Variants in NALF1 observed in about 807,000 individuals in gnomAD.
The protein encoded by NALF1 is family with sequence similarity 155 member A.
NALF1 carries 3 observed loss-of-function variants against 48.4 expected under a neutral mutation model. That is an observed-to-expected ratio of 0.06 (90% CI 0.03 to 0.16). The LOEUF (loss-of-function observed/expected upper bound fraction) is 0.16, where lower values mean the gene tolerates loss of function less well. Among genes scored for constraint, NALF1 ranks in the 10% least tolerant of loss-of-function variants. NALF1 has a pLI of 1.00. For missense variants in NALF1, 526 were observed against 571.5 expected, an observed-to-expected ratio of 0.92 and a Z score of 0.81; for synonymous variants, 262 against 245.7, an observed-to-expected ratio of 1.07 and a Z score of -0.62.
chr13:107,744,760 C>T (rs7991378), intron 1 of NALF1, among the ~76,000 whole-genome samples: 136,738 of 152,304 alleles, frequency 0.9, 61,762 homozygotes, highest in South Asian at 0.96. Flanking sequence ...AAAATTCTTA[C>T]TTTAAATTTA....
At chr13:107,246,075 T>C (rs943401806) in intron 1 of NALF1, among the ~76,000 whole-genome samples, 3 of 152,234 alleles carry the variant, frequency 2.0e-5, no homozygotes, top group Admixed American at 2.0e-4. Flanking sequence ...TATCTCATTC[T>C]GCACAATGAG....
intron 1 of NALF1, among the ~76,000 whole-genome samples, chr13:107,750,474 T>C (rs1409023587): frequency 6.6e-6 from 1 of 152,152 alleles, no homozygotes; most frequent in Non-Finnish European, 1.5e-5. Flanking sequence ...TGGATGTGTT[T>C]TGGAATGAAA....
intron 1 of NALF1, among the ~76,000 whole-genome samples, chr13:107,445,190 A>G (rs1180496488): frequency 1.3e-5 from 2 of 152,250 alleles, no homozygotes; most frequent in South Asian, 2.1e-4. Context: ...CACCACCACA[A>G]TGAAGGTACA....
At chr13:107,498,271 T>C (rs902610288) in intron 1 of NALF1, among the ~76,000 whole-genome samples, 4 of 150,092 alleles carry the variant, frequency 2.7e-5, no homozygotes, top group Non-Finnish European at 6.0e-5. Context: ...TGTCAAACCG[T>C]AGAAAGTTCA....
At chr13:107,741,523 T>A (rs1427305050) in intron 1 of NALF1, among the ~76,000 whole-genome samples, 1 of 10,086 alleles carries the variant, frequency 9.9e-5, no homozygotes, top group African/African-American at 1.9e-4. Flanking sequence ...ATGACAGGTA[T>A]TTAACACTGA....
At chr13:107,316,412 C>A (rs536979300) in intron 1 of NALF1, among the ~76,000 whole-genome samples, 51 of 152,228 alleles carry the variant, frequency 3.4e-4, no homozygotes, top group South Asian at 1.7e-3. Context: ...GATTTATACC[C>A]AGTAATGGGA....
chr13:107,526,350 A>G (rs1876439847), intron 1 of NALF1, among the ~76,000 whole-genome samples: 1 of 152,118 alleles, frequency 6.6e-6, no homozygotes, highest in Non-Finnish European at 1.5e-5. Flanking sequence ...GCAGCAATAT[A>G]TGTACCTCTT....
intron 1 of NALF1, among the ~76,000 whole-genome samples, chr13:107,256,320 A>T (rs1379384710): frequency 6.6e-6 from 1 of 152,210 alleles, no homozygotes; most frequent in Non-Finnish European, 1.5e-5. Flanking sequence ...CCCTGTGTTC[A>T]GTGATGCCAC....
At chr13:107,324,465 C>G (rs1882312807) in intron 1 of NALF1, among the ~76,000 whole-genome samples, 1 of 152,126 alleles carries the variant, frequency 6.6e-6, no homozygotes, top group Admixed American at 6.6e-5. Context: ...TAAAGTACTA[C>G]ATTTCTGGGA....
rs565313464 is a variant in NALF1, at chr13:107,317,272, T to C, written c.916-106517A>G. 1.2e-4 allele frequency among the ~76,000 whole-genome samples: 18 copies of C among 152,214 alleles called. 1 individual carries two copies. The South Asian group carries it at 3.5e-3, about 30-fold the overall frequency. On this transcript the variant is annotated intron_variant, in intron 1 of 2. Transcript: ENST00000375915. ...ATGCATAAAATCATTTATTGAGACA[T>C]GCATATGTGTCTAAGAATACATTTT... is the stretch of plus-strand genomic sequence containing the variant.
rs190171329 is a variant in NALF1 at position 107,770,878 on chromosome 13, T to C, written c.915+94804A>G. 5.9e-5 allele frequency among the ~76,000 whole-genome samples: 9 copies of C among 152,326 alleles called. No homozygotes were observed. In the East Asian group the frequency reaches 1.5e-3, roughly 26 times the overall value. Reference sequence around the variant, plus strand: ...ATTTCTTTTTTTGCTTTGTTTTCTTTGCTTCTGGCAATCTTTTGGTTGCAT... The same window carrying C: ...ATTTCTTTTTTTGCTTTGTTTTCTTCGCTTCTGGCAATCTTTTGGTTGCAT... On this transcript the variant is annotated intron_variant, in intron 1 of 2. Transcript: ENST00000375915.
chr13:107,720,928 C>T (rs1875964534), intron 1 of NALF1, among the ~76,000 whole-genome samples: 2 of 152,116 alleles, frequency 1.3e-5, no homozygotes, highest in Admixed American at 1.3e-4. Context: ...TGTACAGCCG[C>T]ATCTGATCCA....
chr13:107,558,374 C>G (rs1366298038), intron 1 of NALF1, among the ~76,000 whole-genome samples: 1 of 152,004 alleles, frequency 6.6e-6, no homozygotes, highest in Non-Finnish European at 1.5e-5. Context: ...CAAAAATTAT[C>G]ATTGAAATTG....
chr13:107,183,672 G>T (rs1879112849), intron 2 of NALF1, among the ~76,000 whole-genome samples: 1 of 152,166 alleles, frequency 6.6e-6, no homozygotes, highest in Admixed American at 6.5e-5. Flanking sequence ...CATAAAAAAG[G>T]ATGAGTTCAT....
At chr13:107,781,189 TTTTG>T (rs1362758676) in intron 1 of NALF1, among the ~76,000 whole-genome samples, 1 of 152,202 alleles carries the variant, frequency 6.6e-6, no homozygotes, top group Non-Finnish European at 1.5e-5. Flanking sequence ...AAAAATTTCA[TTTTG>T]TTTCTGTGTT....
intron 1 of NALF1, among the ~76,000 whole-genome samples, chr13:107,541,460 C>T (rs1383689057): frequency 2.0e-5 from 3 of 152,034 alleles, no homozygotes; most frequent in Non-Finnish European, 4.4e-5. Context: ...TGACCAATCT[C>T]TTTTGAGTTT....
rs1359147472 is a variant in NALF1, at chr13:107,528,035, T to C, written c.916-317280A>G. On this transcript the variant is annotated intron_variant, in intron 1 of 2. Transcript: ENST00000375915. ...ACATATCTGACAAAATGAATTGTCA[T>C]TAGGAATATAACTGAAAGAACACCC... Among the ~76,000 whole-genome samples the C allele has an allele frequency of 3.3e-5, 5 of 152,200 alleles. No individual in the cohort carries two copies. In the East Asian group the frequency reaches 9.7e-4, roughly 29 times the overall value.
At chr13:107,519,879 T>C (rs1024704420) in intron 1 of NALF1, among the ~76,000 whole-genome samples, 1 of 152,202 alleles carries the variant, frequency 6.6e-6, no homozygotes, top group Admixed American at 6.5e-5. Context: ...ATTCTAGAGA[T>C]AGTAACTATC....
intron 1 of NALF1, among the ~76,000 whole-genome samples, chr13:107,608,888 C>T (rs765373086): frequency 4.6e-5 from 7 of 152,154 alleles, no homozygotes; most frequent in East Asian, 1.9e-4. Flanking sequence ...ACGATGCTGC[C>T]GTGGGTTCCA....
Sources: allele counts gnomAD v4.1 joint callset (sites outside exome capture counted in the v4.1 genomes callset), GRCh38; gene constraint gnomAD v4.1.1; transcripts MANE v1.5; gene names NCBI Gene and HGNC (gene_info 2026-07-23, HGNC 2026-07-21).